The following SCAI variants were observed in gnomAD, a reference collection of about 807,000 sequenced individuals.
The protein encoded by SCAI is suppressor of cancer cell invasion.
In SCAI, 24 loss-of-function variants were observed where a neutral mutation model predicts 92.2. That is an observed-to-expected ratio of 0.26 (90% CI 0.19 to 0.37). SCAI has a LOEUF of 0.37. Ranked by LOEUF, SCAI falls within the 10% of genes least tolerant of loss-of-function variation. The pLI is 1.00. For missense variants in SCAI, 450 were observed against 736.2 expected (o/e 0.61, Z 4.50); for synonymous variants, 261 against 258.6 (o/e 1.01, Z -0.09).
In SCAI at chr9:124,947,615, T is replaced by C. The variant is rs1405643837; in HGVS notation, c.*5192A>G. On this transcript the variant is annotated 3_prime_UTR_variant, in exon 18 of 18. Coordinates refer to ENST00000336505, the MANE Select transcript of SCAI (RefSeq NM_001144877.3). ...ACATAATATACACATACTGTATCAC[T>C]GCATACCAATATATTTACAAATATG... The C allele has an allele frequency of 1.3e-5, 2 of 152,172 alleles. No individual in the cohort carries two copies. The highest frequency in any genetic ancestry group is 4.8e-5 in the African/African-American group (2 of 41,442). The allele number at this position is 152,172 out of a possible 1,614,324, so 9.4% of individuals were successfully genotyped here.
At chr9:125,136,463 T>C (rs1341447465) in intron 2 of SCAI, among the ~76,000 whole-genome samples, 1 of 140,470 alleles carries the variant, frequency 7.1e-6, no homozygotes, top group Non-Finnish European at 1.6e-5. Flanking sequence ...TTTCTTTTTT[T>C]TTTTTTTTTT....
chr9:125,075,810 C>G (rs1042738316), intron 2 of SCAI, among the ~76,000 whole-genome samples: 2 of 152,114 alleles, frequency 1.3e-5, no homozygotes, highest in African/African-American at 4.8e-5. Flanking sequence ...AGTTTTCCAA[C>G]CGCCTCGGCC....
At chr9:125,024,573 C>A (rs1233574201) in intron 6 of SCAI, among the ~76,000 whole-genome samples, 2 of 152,140 alleles carry the variant, frequency 1.3e-5, no homozygotes, top group African/African-American at 2.4e-5. Flanking sequence ...CTGTACCCGG[C>A]CATTTTTTTT....
At chr9:125,017,843 C>T (rs1832792317) in intron 9 of SCAI, among the ~76,000 whole-genome samples, 1 of 151,770 alleles carries the variant, frequency 6.6e-6, no homozygotes, top group African/African-American at 2.4e-5. Context: ...GCCATCTCTA[C>T]TAAATATACA....
chr9:125,083,517 C>CAA (rs560240303), intron 2 of SCAI, among the ~76,000 whole-genome samples: 75 of 48,698 alleles, frequency 1.5e-3, no homozygotes, highest in African/African-American at 1.8e-3. Context: ...GACTCCATCT[C>CAA]AAAAAAAAAA....
At position 124,984,122 on chromosome 9, in the gene SCAI, T is replaced by A. The variant is rs557259587; in HGVS notation, c.1327-7936A>T. Among the ~76,000 whole-genome samples, 25 of 152,200 alleles carry A rather than the reference T, an allele frequency of 1.6e-4. 1 individual carries two copies. Among genetic ancestry groups the A allele is most frequent in the East Asian group, 7.7e-4 (4 of 5,182 alleles). On this transcript the variant is annotated intron_variant, in intron 14 of 17. Transcript: ENST00000336505. ...TTTATTTGCTCAAACACCTAAAGAA[T>A]AATGTAGGTATCTTTGGAAGAGCAT...
intron 2 of SCAI, among the ~76,000 whole-genome samples, chr9:125,125,502 T>A (rs1346532165): frequency 6.6e-6 from 1 of 151,404 alleles, no homozygotes; most frequent in East Asian, 1.9e-4. Flanking sequence ...CACTCCAGTC[T>A]GGGCAACAGA....
intron 15 of SCAI, among the ~76,000 whole-genome samples, chr9:124,972,635 G>T (rs1310725086): frequency 1.3e-5 from 2 of 152,072 alleles, no homozygotes; most frequent in Non-Finnish European, 2.9e-5. Context: ...ATTCTCAAAG[G>T]CACCTCAAAC....
intron 17 of SCAI, among the ~76,000 whole-genome samples, chr9:124,962,172 C>CGG (rs1253545144): frequency 1.1e-5 from 1 of 93,678 alleles, no homozygotes; most frequent in African/African-American, 4.2e-5. Context: ...TTTTTTTTTG[C>CGG]GGGGGGGGAT....
chr9:125,016,045 G>T (rs1280994480), intron 9 of SCAI, among the ~76,000 whole-genome samples: 9 of 100,172 alleles, frequency 9.0e-5, no homozygotes, highest in Non-Finnish European at 1.5e-4. Flanking sequence ...CGGGGGGAGG[G>T]GGGAGGGATA....
chr9:125,056,128 T>A (rs1833659822), intron 2 of SCAI, 121 bp from the exon 3 acceptor site: 2 of 710,968 alleles, frequency 2.8e-6, no homozygotes, highest in South Asian at 2.0e-5. Context: ...CTGATTACAA[T>A]CAAATCACAA....
intron 3 of SCAI, among the ~76,000 whole-genome samples, chr9:125,051,080 TG>T (rs1325371434): frequency 6.6e-6 from 1 of 152,164 alleles, no homozygotes; most frequent in East Asian, 1.9e-4. Context: ...TGGAGTGCAG[TG>T]GTGTGATCGC....
chr9:125,042,858 CTTTTTTTT>C (rs770118712), intron 3 of SCAI, among the ~76,000 whole-genome samples: 5 of 50,994 alleles, frequency 9.8e-5, no homozygotes, highest in African/African-American at 2.4e-4. Flanking sequence ...TGCTCCCTGG[CTTTTTTTT>C]TTTTTTTTTT....
chr9:125,108,312 G>A (rs981350242), intron 2 of SCAI, among the ~76,000 whole-genome samples: 2 of 151,804 alleles, frequency 1.3e-5, no homozygotes, highest in Non-Finnish European at 2.9e-5. Context: ...GATGTGAGGA[G>A]CCCCTCTGCC....
rs1347854962 is a variant in SCAI at position 124,952,360 on chromosome 9, T to C, written c.*447A>G. 1.3e-5 allele frequency: 2 copies of C among 152,454 alleles called. No homozygotes were observed. Among genetic ancestry groups the C allele is most frequent in the Non-Finnish European group, 2.9e-5 (2 of 68,192 alleles). 9.4% of individuals were successfully genotyped at this position (152,454 alleles called of 1,614,324 possible). ...AGTTGGAATGAGAAAAAATATATTA[T>C]GGAGGGACTCTGTTCTTGATTTTCA... On this transcript the variant is annotated 3_prime_UTR_variant, in exon 18 of 18. Transcript: ENST00000336505.
At chr9:125,025,779 G>A (rs974789740) in intron 6 of SCAI, among the ~76,000 whole-genome samples, 1 of 152,210 alleles carries the variant, frequency 6.6e-6, no homozygotes, top group African/African-American at 2.4e-5. Flanking sequence ...AGGAAATTAA[G>A]GAGATTTACA....
At chr9:125,060,262 GAAA>G (rs34193153) in intron 2 of SCAI, among the ~76,000 whole-genome samples, 1 of 89,512 alleles carries the variant, frequency 1.1e-5, no homozygotes, top group Non-Finnish European at 2.4e-5. Flanking sequence ...GGCTTAGTAT[GAAA>G]AAAAAAAAAA....
chr9:124,964,979 C>T (rs1831509603), intron 17 of SCAI, among the ~76,000 whole-genome samples: 1 of 149,390 alleles, frequency 6.7e-6, no homozygotes, highest in Non-Finnish European at 1.5e-5. Context: ...CTCTTCCTTA[C>T]TAATAAATGT....
Position 125,055,914 on chromosome 9 carries a change from A to T in SCAI, c.192T>A (p.Tyr64Ter). Residue 64 changes from tyrosine (Y) to a stop codon, truncating the protein, a stop_gained, in exon 3 of 18, where the codon TAT (tyrosine) becomes TAA (stop). Coordinates refer to ENST00000336505, the MANE Select transcript of SCAI (RefSeq NM_001144877.3). LOFTEE classifies it high-confidence loss of function. ...GERKTVTDFC[Y>*]LLDKSKQLFN... The stretch of plus-strand genomic sequence containing the variant: ...ACAGTTGCTTAGATTTATCCAGAAG[A>T]TAACAAAAATCTGTAACTGTTTTCC... 1 of 1,613,236 alleles carries T rather than the reference A, an allele frequency of 6.2e-7. No individual in the cohort carries two copies.
Sources: gnomAD v4.1 joint callset for allele counts (sites outside exome capture counted in the v4.1 genomes callset) on GRCh38, gnomAD v4.1.1 for gene constraint, MANE v1.5 for transcripts, NCBI Gene and HGNC (gene_info 2026-07-23, HGNC 2026-07-21) for gene names.